KCTD16: variants seen among roughly 807,000 people sequenced by gnomAD.
KCTD16 encodes the protein BTB/POZ domain-containing protein KCTD16.
In KCTD16, 13 loss-of-function variants were observed where a neutral mutation model predicts 33.2. That is an observed-to-expected ratio of 0.39 (90% CI 0.25 to 0.62). The LOEUF (loss-of-function observed/expected upper bound fraction) is 0.62, where lower values mean the gene tolerates loss of function less well. Among genes scored for constraint, KCTD16 ranks in the 20% least tolerant of loss-of-function variants. The probability of loss-of-function intolerance (pLI) is 0.50; values close to 1 mark genes in which losing one functional copy is unlikely to be tolerated. For synonymous variants in KCTD16, 197 were observed against 195.3 expected, an observed-to-expected ratio of 1.01 and a Z score of -0.07; for missense variants, 441 against 525.1, an observed-to-expected ratio of 0.84 and a Z score of 1.57.
In KCTD16 at chr5:144,457,891, G is replaced by A. The variant is rs541606219; in HGVS notation, c.833-15769G>A. On this transcript the variant is annotated intron_variant, in intron 3 of 3. Transcript: ENST00000512467. ...AGGCCTGGGATGCTGGTCTTATACC[G>A]TAACTGGTGCATACAACTGCCCATT... Among the ~76,000 whole-genome samples, 7 of 152,236 alleles carry A rather than the reference G, an allele frequency of 4.6e-5. No individual in the cohort carries two copies. In the East Asian group the frequency reaches 7.7e-4, roughly 17 times the overall value.
chr5:144,365,174 C>T (rs1751804665), intron 3 of KCTD16, among the ~76,000 whole-genome samples: 1 of 151,850 alleles, frequency 6.6e-6, no homozygotes, highest in Non-Finnish European at 1.5e-5. Flanking sequence ...CTTAAACTTT[C>T]TTGTTGTGAG....
intron 3 of KCTD16, among the ~76,000 whole-genome samples, chr5:144,414,664 T>C (rs1753006607): frequency 6.6e-6 from 1 of 152,260 alleles, no homozygotes. Context: ...ATCAAAGTTT[T>C]ATTTATCACA....
intron 3 of KCTD16, among the ~76,000 whole-genome samples, chr5:144,248,327 C>T (rs1449250220): frequency 1.3e-5 from 2 of 152,072 alleles, no homozygotes; most frequent in Non-Finnish European, 2.9e-5. Context: ...GCAGAAGAAC[C>T]AGGAAAATCA....
chr5:144,418,248 G>C (rs1271738261), intron 3 of KCTD16, among the ~76,000 whole-genome samples: 3 of 152,158 alleles, frequency 2.0e-5, no homozygotes, highest in Non-Finnish European at 2.9e-5. Context: ...AAAAGAACAA[G>C]GCTTCCACAG....
intron 3 of KCTD16, among the ~76,000 whole-genome samples, chr5:144,443,527 G>A (rs1753757776): frequency 6.6e-6 from 1 of 150,624 alleles, no homozygotes; most frequent in Admixed American, 6.6e-5. Flanking sequence ...TTTTACTATT[G>A]TTTATCTTAA....
chr5:144,236,911 T>C (rs1013614871), intron 3 of KCTD16, among the ~76,000 whole-genome samples: 3 of 152,090 alleles, frequency 2.0e-5, no homozygotes, highest in Non-Finnish European at 4.4e-5. Flanking sequence ...ATTTATCATA[T>C]TGGCAATGGC....
chr5:144,461,778 C>T (rs566415461), intron 3 of KCTD16, among the ~76,000 whole-genome samples: 37 of 152,340 alleles, frequency 2.4e-4, no homozygotes, highest in African/African-American at 8.4e-4. Context: ...ACTCTTAACT[C>T]CCCAAAGGCA....
At chr5:144,413,296 A>G (rs1408440885) in intron 3 of KCTD16, among the ~76,000 whole-genome samples, 1 of 152,222 alleles carries the variant, frequency 6.6e-6, no homozygotes, top group East Asian at 1.9e-4. Context: ...CCTCAGAAGA[A>G]GCAACCTTGT....
rs531885395 is a variant in KCTD16 at position 144,231,282 on chromosome 5, T to C, written c.832+23736T>C. Reference sequence around the variant, plus strand: ...AGCTATATGCCTTATGGAGTCTTTCTCTTCATCCATGTATTTGATTAAAAA... The same window carrying C: ...AGCTATATGCCTTATGGAGTCTTTCCCTTCATCCATGTATTTGATTAAAAA... On this transcript the variant is annotated intron_variant, in intron 3 of 3. Coordinates refer to ENST00000512467, the MANE Select transcript of KCTD16 (RefSeq NM_020768.4). Among the ~76,000 whole-genome samples the C allele has an allele frequency of 2.0e-5, 3 of 152,274 alleles. No individual in the cohort carries two copies. In the East Asian group the frequency reaches 5.8e-4, roughly 29 times the overall value.
intron 3 of KCTD16, among the ~76,000 whole-genome samples, chr5:144,329,658 G>C (rs543975252): frequency 7.2e-5 from 11 of 151,964 alleles, no homozygotes; most frequent in Non-Finnish European, 1.3e-4. Flanking sequence ...AAGGAATATG[G>C]ATATTAGTAA....
At chr5:144,271,760 TAC>T (rs3077273) in intron 3 of KCTD16, among the ~76,000 whole-genome samples, 2,455 of 145,778 alleles carry the variant, frequency 0.017, 41 homozygotes, top group African/African-American at 0.041. Context: ...GACTAAAAAC[TAC>T]ACACACACAC....
At chr5:144,329,134 A>T (rs1018937319) in intron 3 of KCTD16, among the ~76,000 whole-genome samples, 2 of 152,102 alleles carry the variant, frequency 1.3e-5, no homozygotes, top group African/African-American at 4.8e-5. Context: ...TGAATCTTAG[A>T]GGTGTTTACT....
chr5:144,185,119 A>C (rs1321194360), intron 2 of KCTD16, among the ~76,000 whole-genome samples: 1 of 152,224 alleles, frequency 6.6e-6, no homozygotes. Flanking sequence ...AGAGGAAGAC[A>C]GAGGCAGAGA....
chr5:144,324,428 A>G (rs1425649755), intron 3 of KCTD16, among the ~76,000 whole-genome samples: 1 of 152,190 alleles, frequency 6.6e-6, no homozygotes, highest in Non-Finnish European at 1.5e-5. Context: ...AAGAACCAAC[A>G]GATGCTGGTG....
At chr5:144,421,700 T>C (rs1218048003) in intron 3 of KCTD16, among the ~76,000 whole-genome samples, 1 of 152,128 alleles carries the variant, frequency 6.6e-6, no homozygotes, top group Non-Finnish European at 1.5e-5. Context: ...ATTGGCAGCT[T>C]TCGGCACATT....
At chr5:144,297,998 G>T (rs569543529) in intron 3 of KCTD16, among the ~76,000 whole-genome samples, 1 of 152,306 alleles carries the variant, frequency 6.6e-6, no homozygotes, top group Non-Finnish European at 1.5e-5. Flanking sequence ...TCTGGATTCG[G>T]CAGGGTGTCC....
intron 3 of KCTD16, among the ~76,000 whole-genome samples, chr5:144,355,671 A>G (rs1421114032): frequency 6.6e-6 from 1 of 151,920 alleles, no homozygotes; most frequent in Non-Finnish European, 1.5e-5. Flanking sequence ...TTTTTAGCCT[A>G]CCATTTTACA....
intron 3 of KCTD16, among the ~76,000 whole-genome samples, chr5:144,353,484 A>G (rs1019872591): frequency 1.2e-4 from 18 of 152,194 alleles, no homozygotes; most frequent in African/African-American, 4.3e-4. Flanking sequence ...AAGCCTCATT[A>G]TCTTTACTTA....
chr5:144,200,297 G>T (rs1051917162), intron 2 of KCTD16, among the ~76,000 whole-genome samples: 1 of 152,178 alleles, frequency 6.6e-6, no homozygotes, highest in African/African-American at 2.4e-5. Context: ...GAAATCAGGA[G>T]TATTTTCAGG....
Sources: allele counts gnomAD v4.1 joint callset (sites outside exome capture counted in the v4.1 genomes callset), GRCh38; gene constraint gnomAD v4.1.1; transcripts MANE v1.5; gene names NCBI Gene and HGNC (gene_info 2026-07-23, HGNC 2026-07-21).